The following FNDC3A variants were observed in gnomAD, a reference collection of about 807,000 sequenced individuals.
FNDC3A encodes fibronectin type-III domain-containing protein 3A.
FNDC3A carries 32 observed loss-of-function variants against 148.9 expected under a neutral mutation model. The ratio of observed to expected loss-of-function variants is 0.21; its 90% CI spans 0.16 to 0.29. The LOEUF is 0.29. Among genes scored for constraint, FNDC3A ranks in the 10% least tolerant of loss-of-function variants. The pLI is 1.00. For synonymous variants in FNDC3A, 472 were observed against 473.6 expected (o/e 1.00, Z 0.04); for missense variants, 1,191 against 1,452.8 (o/e 0.82, Z 2.93).
intron 2 of FNDC3A, among the ~76,000 whole-genome samples, chr13:49,073,878 T>C (rs766940944): frequency 2.0e-5 from 3 of 148,810 alleles, no homozygotes; most frequent in Non-Finnish European, 4.4e-5. Context: ...ATATACATAT[T>C]CCTTAATAAA....
chr13:49,173,183 C>T (rs889193961), intron 11 of FNDC3A, among the ~76,000 whole-genome samples: 1 of 152,168 alleles, frequency 6.6e-6, no homozygotes, highest in African/African-American at 2.4e-5. Context: ...CTCTCTTGCC[C>T]TATGGCTTGT....
At position 49,080,569 on chromosome 13, in the gene FNDC3A, A is replaced by T. The variant is rs542103913; in HGVS notation, c.175+5205A>T. Among the ~76,000 whole-genome samples, 6 of 152,330 alleles carry T rather than the reference A, an allele frequency of 3.9e-5. No individual in the cohort carries two copies. The East Asian group carries it at 1.2e-3, about 29-fold the overall frequency. On this transcript the variant is annotated intron_variant, in intron 3 of 25. Transcript: ENST00000492622. ...AGCATGTCAACAGATTGTCTTGTATATTGAGAGATACTGTGAAAATTAAGT... is the reference window on the plus strand; with the variant it reads ...AGCATGTCAACAGATTGTCTTGTATTTTGAGAGATACTGTGAAAATTAAGT...
At chr13:49,003,273 C>T (rs1369324821) in intron 1 of FNDC3A, among the ~76,000 whole-genome samples, 1 of 152,050 alleles carries the variant, frequency 6.6e-6, no homozygotes, top group African/African-American at 2.4e-5. Flanking sequence ...ACATGTTGGC[C>T]GTGCTGGTCT....
At chr13:49,153,610 T>C (rs1329451355) in intron 8 of FNDC3A, among the ~76,000 whole-genome samples, 1 of 151,994 alleles carries the variant, frequency 6.6e-6, no homozygotes, top group Admixed American at 6.6e-5. Context: ...ATGTCCTGAA[T>C]GGTAATGCCT....
intron 2 of FNDC3A, among the ~76,000 whole-genome samples, chr13:49,074,395 C>T (rs1408559762): frequency 6.6e-6 from 1 of 152,126 alleles, no homozygotes; most frequent in Non-Finnish European, 1.5e-5. Flanking sequence ...TTTTAAAAAG[C>T]AGTTTAGCAA....
rs1566185733 is a variant in FNDC3A, at chr13:49,006,131, CTA to C, written c.-39-15_-39-14del. 2.3e-6 allele frequency: 2 copies of C among 856,938 alleles called. No homozygotes were observed. Among genetic ancestry groups the C allele is most frequent in the Non-Finnish European group, 3.9e-6 (2 of 515,770 alleles). 53.1% of individuals were successfully genotyped at this position (856,938 alleles called of 1,614,324 possible). On this transcript the variant is annotated intron_variant, in intron 1 of 25. Coordinates refer to ENST00000492622, the MANE Select transcript of FNDC3A (RefSeq NM_001079673.2). Reference sequence around the variant, plus strand: ...ATTTTAAGGATATACTTACAAATGACTATATATGTTTGTTTTTCAGAATTGGA... The same window carrying C: ...ATTTTAAGGATATACTTACAAATGACTATATGTTTGTTTTTCAGAATTGGA...
chr13:49,043,559 A>G (rs1875119904), intron 2 of FNDC3A, among the ~76,000 whole-genome samples: 1 of 152,168 alleles, frequency 6.6e-6, no homozygotes, highest in East Asian at 1.9e-4. Context: ...AATTACAGAG[A>G]TAAGTATTAA....
At position 49,172,023 on chromosome 13, in the gene FNDC3A, T is replaced by G. The variant is rs1195931966; in HGVS notation, c.1177-20T>G. The G allele has an allele frequency of 6.3e-7, 1 of 1,582,986 alleles. No individual in the cohort carries two copies. The highest frequency in any genetic ancestry group is 8.6e-7 in the Non-Finnish European group (1 of 1,156,498). ...AATGTACTAATTTGTTTTCATTTTG[T>G]TTTTTGGTGTTGGTTTTAGGCACCT... On this transcript the variant is annotated intron_variant, in intron 10 of 25. Coordinates refer to ENST00000492622, the MANE Select transcript of FNDC3A (RefSeq NM_001079673.2).
intron 1 of FNDC3A, among the ~76,000 whole-genome samples, chr13:48,998,862 A>G (rs535633130): frequency 4.4e-4 from 67 of 152,312 alleles, no homozygotes; most frequent in Non-Finnish European, 8.1e-4. Context: ...AGGAATAGAG[A>G]CTGAATTATA....
intron 3 of FNDC3A, among the ~76,000 whole-genome samples, chr13:49,109,583 A>C (rs1251464887): frequency 1.3e-5 from 2 of 152,188 alleles, no homozygotes; most frequent in Admixed American, 1.3e-4. Flanking sequence ...TTGTAACTGG[A>C]CATCTTTGGT....
intron 3 of FNDC3A, among the ~76,000 whole-genome samples, chr13:49,100,287 G>T (rs770115147): frequency 4.6e-5 from 7 of 151,964 alleles, no homozygotes; most frequent in Non-Finnish European, 8.8e-5. Flanking sequence ...ACCAAATGAT[G>T]TATTTTTAAT....
At chr13:49,187,394 A>C in intron 16 of FNDC3A, 1 of 908,156 alleles carries the variant, frequency 1.1e-6, no homozygotes, top group South Asian at 1.4e-5. Flanking sequence ...CTAGTATGCC[A>C]TATGAGTTCA....
At chr13:49,102,983 G>T (rs1403784030) in intron 3 of FNDC3A, among the ~76,000 whole-genome samples, 1 of 152,106 alleles carries the variant, frequency 6.6e-6, no homozygotes, top group Non-Finnish European at 1.5e-5. Context: ...TTTCAGGTAG[G>T]CTTGTCAATA....
At chr13:49,095,182 G>C (rs1879444425) in intron 3 of FNDC3A, among the ~76,000 whole-genome samples, 1 of 152,034 alleles carries the variant, frequency 6.6e-6, no homozygotes, top group African/African-American at 2.4e-5. Flanking sequence ...ATTCAGGAAA[G>C]TGAGATACCA....
At chr13:49,114,048 G>A (rs2137875416) in intron 3 of FNDC3A, among the ~76,000 whole-genome samples, 1 of 151,814 alleles carries the variant, frequency 6.6e-6, no homozygotes, top group Admixed American at 6.6e-5. Flanking sequence ...TTTTCCTTTG[G>A]GTAAGTACAC....
At chr13:49,113,621 C>T (rs1207579825) in intron 3 of FNDC3A, among the ~76,000 whole-genome samples, 3 of 152,088 alleles carry the variant, frequency 2.0e-5, no homozygotes, top group Non-Finnish European at 4.4e-5. Flanking sequence ...GATTATAATT[C>T]TGCATATAAA....
At chr13:49,149,008 T>C (rs911335748) in intron 8 of FNDC3A, among the ~76,000 whole-genome samples, 2 of 152,154 alleles carry the variant, frequency 1.3e-5, no homozygotes, top group African/African-American at 4.8e-5. Flanking sequence ...TCAGCTAGTT[T>C]ATTATTAGTG....
intron 23 of FNDC3A, 22 bp from the exon 24 acceptor site, chr13:49,201,776 ATC>A (rs778482462): frequency 3.9e-6 from 5 of 1,267,884 alleles, no homozygotes; most frequent in Non-Finnish European, 5.4e-6. Flanking sequence ...TATAAGGTTT[ATC>A]TAATAGTTAT....
At chr13:49,036,727 A>G (rs1320834814) in intron 2 of FNDC3A, among the ~76,000 whole-genome samples, 1 of 152,230 alleles carries the variant, frequency 6.6e-6, no homozygotes, top group Non-Finnish European at 1.5e-5. Flanking sequence ...AAGGATGTAC[A>G]GAGTGCTTTG....
Sources: allele counts gnomAD v4.1 joint callset (sites outside exome capture counted in the v4.1 genomes callset), GRCh38; gene constraint gnomAD v4.1.1; transcripts MANE v1.5; gene names NCBI Gene and HGNC (gene_info 2026-07-23, HGNC 2026-07-21).